CSMD3: variants seen among roughly 807,000 people sequenced by gnomAD.
CSMD3 encodes the protein CUB and sushi domain-containing protein 3.
CSMD3 carries 177 observed loss-of-function variants against 435.2 expected under a neutral mutation model. The observed-to-expected ratio is 0.41, with a 90% confidence interval of 0.36 to 0.46. The LOEUF is 0.46. Ranked by LOEUF, CSMD3 falls within the 20% of genes least tolerant of loss-of-function variation. CSMD3 has a pLI of 0.34. For synonymous variants in CSMD3, 1,656 were observed against 1,520.5 expected, an observed-to-expected ratio of 1.09 and a Z score of -2.07; for missense variants, 4,265 against 4,504.6, an observed-to-expected ratio of 0.95 and a Z score of 1.52.
intron 4 of CSMD3, among the ~76,000 whole-genome samples, chr8:113,114,012 T>C (rs1423193839): frequency 6.6e-6 from 1 of 152,088 alleles, no homozygotes; most frequent in Non-Finnish European, 1.5e-5. Context: ...TACTAAACAG[T>C]ATATAGTATG....
chr8:113,429,620 A>T (rs2130056193), intron 1 of CSMD3, among the ~76,000 whole-genome samples: 1 of 152,232 alleles, frequency 6.6e-6, no homozygotes, highest in South Asian at 2.1e-4. Flanking sequence ...TATCATTTTT[A>T]AAATTTTACC....
At chr8:112,699,836 C>G (rs999799259) in intron 13 of CSMD3, among the ~76,000 whole-genome samples, 16 of 152,070 alleles carry the variant, frequency 1.1e-4, no homozygotes, top group Middle Eastern at 3.2e-3. Context: ...TTAGAGCTAT[C>G]AAGGTCATGA....
intron 11 of CSMD3, among the ~76,000 whole-genome samples, chr8:112,842,605 A>G (rs1391724296): frequency 6.6e-6 from 1 of 151,764 alleles, no homozygotes; most frequent in East Asian, 1.9e-4. Context: ...TCCTTTCAAG[A>G]GTCATAAGAA....
rs1237468561 is a variant in CSMD3 at position 112,313,904 on chromosome 8, A to G, written c.7696+2T>C. 1 of 1,607,286 alleles carries G rather than the reference A, an allele frequency of 6.2e-7. No homozygotes were observed. Among genetic ancestry groups the G allele is most frequent in the Admixed American group, 1.7e-5 (1 of 59,978 alleles). The stretch of plus-strand genomic sequence containing the variant: ...TGTCCTGAAGTTATAAGTTTTACAT[A>G]CCTATATATCTTATCCGGAAGCCTT... On this transcript the variant is annotated splice_donor_variant, in intron 49 of 70. Coordinates refer to ENST00000297405, the MANE Select transcript of CSMD3 (RefSeq NM_198123.2). LOFTEE classifies it high-confidence loss of function.
intron 23 of CSMD3, among the ~76,000 whole-genome samples, chr8:112,585,608 A>G (rs1432508707): frequency 6.6e-6 from 1 of 151,728 alleles, no homozygotes; most frequent in Non-Finnish European, 1.5e-5. Context: ...TACCCAAATA[A>G]TACCAGTATA....
intron 59 of CSMD3, among the ~76,000 whole-genome samples, chr8:112,269,695 TTTTGAAAGAGTAA>T (rs965669368): frequency 2.0e-5 from 3 of 152,196 alleles, no homozygotes; most frequent in African/African-American, 7.2e-5. Context: ...AAAAATGTAA[TTTTGAAAGAGTAA>T]TTACATGTAC....
intron 13 of CSMD3, among the ~76,000 whole-genome samples, chr8:112,724,931 G>T (rs368768396): frequency 5.9e-5 from 9 of 152,118 alleles, no homozygotes; most frequent in South Asian, 4.2e-4. Flanking sequence ...AGTATACAAA[G>T]AATCCACTAT....
At chr8:112,887,038 C>T (rs994276288) in intron 10 of CSMD3, among the ~76,000 whole-genome samples, 1 of 151,342 alleles carries the variant, frequency 6.6e-6, no homozygotes, top group Non-Finnish European at 1.5e-5. Flanking sequence ...TCAAGTTGAC[C>T]AAAATGAGTC....
At chr8:112,684,443 A>G (rs2075968621) in intron 15 of CSMD3, among the ~76,000 whole-genome samples, 1 of 152,098 alleles carries the variant, frequency 6.6e-6, no homozygotes, top group Non-Finnish European at 1.5e-5. Flanking sequence ...TTTATAAAGC[A>G]ACAGGAAGAG....
intron 1 of CSMD3, among the ~76,000 whole-genome samples, chr8:113,408,015 T>A (rs901019330): frequency 2.6e-5 from 4 of 152,138 alleles, no homozygotes; most frequent in Admixed American, 6.5e-5. Flanking sequence ...CCAGAGCTAC[T>A]TTTTTAAATA....
rs1430289316 is a variant in CSMD3, at chr8:112,351,187, G to C, written c.6313C>G (p.Pro2105Ala). 1 of 1,598,910 alleles carries C rather than the reference G, an allele frequency of 6.3e-7. No individual in the cohort carries two copies. Among genetic ancestry groups the C allele is most frequent in the Non-Finnish European group, 8.6e-7 (1 of 1,166,800 alleles). Residue 2105 changes from proline to alanine, a missense_variant, in exon 40 of 71, where the codon CCA (proline) becomes GCA (alanine). Pro to Ala is a conservative substitution (Grantham distance 27, BLOSUM62 -1). Coordinates refer to ENST00000297405, the MANE Select transcript of CSMD3 (RefSeq NM_198123.2). ...TCTTTTAACTTACCTAAACAAATTGGGATTGGATAATTCCATCTTCTTACA... is the reference window on the plus strand; with the variant it reads ...TCTTTTAACTTACCTAAACAAATTGCGATTGGATAATTCCATCTTCTTACA... ...GPVRRWNYPI[P>A]ICLAQCGGAM...
chr8:112,350,746 T>G (rs1180779709), intron 40 of CSMD3, among the ~76,000 whole-genome samples: 1 of 152,114 alleles, frequency 6.6e-6, no homozygotes, highest in Admixed American at 6.5e-5. Flanking sequence ...ATATCTTGAC[T>G]GCCTGACACC....
intron 22 of CSMD3, among the ~76,000 whole-genome samples, chr8:112,602,166 T>C (rs945476498): frequency 1.3e-5 from 2 of 152,238 alleles, no homozygotes; most frequent in East Asian, 3.8e-4. Context: ...AATATCTAAT[T>C]CAATGATCCA....
intron 27 of CSMD3, among the ~76,000 whole-genome samples, chr8:112,548,035 G>A (rs762883914): frequency 3.9e-5 from 6 of 152,024 alleles, no homozygotes; most frequent in Non-Finnish European, 7.4e-5. Flanking sequence ...TTTGACCCAC[G>A]GTAGTTGTTT....
chr8:112,411,057 T>C (rs543337971), intron 32 of CSMD3, among the ~76,000 whole-genome samples: 1 of 150,624 alleles, frequency 6.6e-6, no homozygotes, highest in Non-Finnish European at 1.5e-5. Context: ...TTACAAACAT[T>C]TAAAACAACT....
At chr8:113,054,853 C>T (rs1419168386) in intron 5 of CSMD3, among the ~76,000 whole-genome samples, 5 of 152,082 alleles carry the variant, frequency 3.3e-5, no homozygotes, top group African/African-American at 1.2e-4. Flanking sequence ...GATTACAAGG[C>T]TCTTTGGTAA....
At chr8:112,535,596 C>T (rs1430254553) in intron 27 of CSMD3, among the ~76,000 whole-genome samples, 2 of 151,846 alleles carry the variant, frequency 1.3e-5, no homozygotes, top group East Asian at 3.9e-4. Context: ...GCCATAGTGC[C>T]CAAGGTAATT....
At chr8:112,515,418 T>A (rs927796487) in intron 28 of CSMD3, among the ~76,000 whole-genome samples, 3 of 152,160 alleles carry the variant, frequency 2.0e-5, no homozygotes, top group African/African-American at 7.2e-5. Context: ...GAAAATTTTT[T>A]GGTTAATTGA....
At chr8:112,307,307 A>G (rs577260754) in intron 50 of CSMD3, among the ~76,000 whole-genome samples, 1 of 152,124 alleles carries the variant, frequency 6.6e-6, no homozygotes, top group South Asian at 2.1e-4. Context: ...TTTGAGACAC[A>G]GTACTACTCT....
Sources: allele counts gnomAD v4.1 joint callset (sites outside exome capture counted in the v4.1 genomes callset), GRCh38; gene constraint gnomAD v4.1.1; transcripts MANE v1.5; gene names NCBI Gene and HGNC (gene_info 2026-07-23, HGNC 2026-07-21).